Variants in SLC35F3 observed in about 807,000 individuals in gnomAD.
SLC35F3 encodes solute carrier family 35 member F3.
In SLC35F3, 25 loss-of-function variants were observed where a neutral mutation model predicts 49.9. The observed-to-expected ratio is 0.50, with a 90% CI of 0.37 to 0.70. SLC35F3 has a LOEUF of 0.70. SLC35F3 is among the 30% of genes least tolerant of loss of function. The probability of loss-of-function intolerance (pLI) is 0.00; values close to 1 mark genes in which losing one functional copy is unlikely to be tolerated. For missense variants in SLC35F3, 525 were observed against 639.8 expected (o/e 0.82, Z 1.94); for synonymous variants, 275 against 265.4 (o/e 1.04, Z -0.35).
intron 2 of SLC35F3, among the ~76,000 whole-genome samples, chr1:234,180,782 A>C (rs1251940821): frequency 6.6e-6 from 1 of 152,258 alleles, no homozygotes; most frequent in Non-Finnish European, 1.5e-5. Context: ...AGGAGGGAAG[A>C]TACAGGAGAT....
intron 2 of SLC35F3, among the ~76,000 whole-genome samples, chr1:234,101,546 T>C (rs6692411): frequency 1.7e-4 from 26 of 152,344 alleles, no homozygotes; most frequent in East Asian, 5.8e-4. Context: ...TGAGTGTATA[T>C]TGGATTGTCG....
chr1:233,921,926 A>G (rs913822919), intron 2 of SLC35F3, among the ~76,000 whole-genome samples: 4 of 151,858 alleles, frequency 2.6e-5, no homozygotes, highest in Admixed American at 2.6e-4. Flanking sequence ...GTTTGCTCAG[A>G]ATGATGGTTT....
rs555242906 is a variant in SLC35F3, at chr1:234,240,299, G to A, written c.608+8558G>A. ...AGCCTGGCCAACATGACGAAACCCC[G>A]TCTCTACTGAAAACACAAAAATTAG... On this transcript the variant is annotated intron_variant, in intron 3 of 7. Transcript: ENST00000366618. 1.7e-3 allele frequency among the ~76,000 whole-genome samples: 251 copies of A among 145,972 alleles called. 1 individual carries two copies. Among genetic ancestry groups the A allele is most frequent in the Non-Finnish European group, 3.0e-3 (196 of 66,278 alleles).
At chr1:234,130,563 C>T (rs367903559) in intron 2 of SLC35F3, among the ~76,000 whole-genome samples, 13 of 149,176 alleles carry the variant, frequency 8.7e-5, no homozygotes, top group African/African-American at 2.2e-4. Context: ...GGCGTGAACC[C>T]GGGAGGTGGA....
chr1:234,162,895 T>C (rs772216927), intron 2 of SLC35F3, among the ~76,000 whole-genome samples: 1 of 152,214 alleles, frequency 6.6e-6, no homozygotes, highest in African/African-American at 2.4e-5. Context: ...ATTGCCAAAT[T>C]CTTCCTAATT....
chr1:234,067,454 C>T (rs962987423), intron 2 of SLC35F3, among the ~76,000 whole-genome samples: 1 of 152,212 alleles, frequency 6.6e-6, no homozygotes, highest in Non-Finnish European at 1.5e-5. Flanking sequence ...AGCATGACCT[C>T]CGCATATCCT....
At chr1:234,277,472 G>A (rs1668230858) in intron 3 of SLC35F3, among the ~76,000 whole-genome samples, 1 of 152,192 alleles carries the variant, frequency 6.6e-6, no homozygotes, top group Non-Finnish European at 1.5e-5. Flanking sequence ...ATCTCAGCAC[G>A]ACTCAAAGGC....
chr1:234,258,389 C>T (rs1167396934), intron 3 of SLC35F3, among the ~76,000 whole-genome samples: 1 of 152,158 alleles, frequency 6.6e-6, no homozygotes, highest in Non-Finnish European at 1.5e-5. Flanking sequence ...TTAGGTTTTA[C>T]GATAATGATA....
intron 2 of SLC35F3, among the ~76,000 whole-genome samples, chr1:233,975,184 G>A (rs1195355231): frequency 6.6e-6 from 1 of 152,248 alleles, no homozygotes; most frequent in Non-Finnish European, 1.5e-5. Context: ...TTCTTATGTA[G>A]GTGGTCCATA....
At chr1:234,285,498 G>C (rs1302109016) in intron 3 of SLC35F3, 2 of 384,534 alleles carry the variant, frequency 5.2e-6, no homozygotes, top group African/African-American at 4.2e-5. Context: ...ATTTTGGGGT[G>C]CCATCTATGT....
intron 2 of SLC35F3, among the ~76,000 whole-genome samples, chr1:234,115,938 G>T (rs1665479428): frequency 6.6e-6 from 1 of 152,194 alleles, no homozygotes; most frequent in Admixed American, 6.5e-5. Flanking sequence ...AAGGGTCTGG[G>T]AACGTCAATA....
chr1:234,140,259 C>T (rs541363030), intron 2 of SLC35F3, among the ~76,000 whole-genome samples: 1 of 152,188 alleles, frequency 6.6e-6, no homozygotes, highest in South Asian at 2.1e-4. Flanking sequence ...CTCATTTCAT[C>T]TCATCACGCA....
chr1:234,032,670 C>G (rs1292756750), intron 2 of SLC35F3, among the ~76,000 whole-genome samples: 1 of 152,208 alleles, frequency 6.6e-6, no homozygotes, highest in Non-Finnish European at 1.5e-5. Flanking sequence ...ATCCAAGTTG[C>G]TGCAAATGCC....
At chr1:234,220,636 G>A (rs563795189) in intron 2 of SLC35F3, among the ~76,000 whole-genome samples, 44 of 152,280 alleles carry the variant, frequency 2.9e-4, no homozygotes, top group African/African-American at 8.9e-4. Flanking sequence ...GTATGCCCAC[G>A]TCCTAACCAC....
intron 2 of SLC35F3, among the ~76,000 whole-genome samples, chr1:234,024,608 A>C (rs375072442): frequency 6.6e-6 from 1 of 152,162 alleles, no homozygotes; most frequent in Admixed American, 6.5e-5. Context: ...AGGACACCAC[A>C]TGATGAAGGA....
chr1:234,316,462 C>A, intron 4 of SLC35F3, 140 bp from the exon 5 acceptor site: 2 of 1,181,890 alleles, frequency 1.7e-6, no homozygotes, highest in Non-Finnish European at 2.3e-6. Context: ...CTGTTGCTCT[C>A]CCAAGGAGGA....
intron 6 of SLC35F3, among the ~76,000 whole-genome samples, chr1:234,319,397 T>G (rs1376268333): frequency 1.3e-5 from 2 of 152,186 alleles, no homozygotes; most frequent in Non-Finnish European, 2.9e-5. Flanking sequence ...ACTTACCCAG[T>G]TTCCATCTAA....
At chr1:233,994,901 T>C (rs1572012583) in intron 2 of SLC35F3, among the ~76,000 whole-genome samples, 1 of 152,008 alleles carries the variant, frequency 6.6e-6, no homozygotes, top group East Asian at 1.9e-4. Flanking sequence ...CATCATAACC[T>C]GATGGGAAGA....
intron 2 of SLC35F3, among the ~76,000 whole-genome samples, chr1:234,163,335 G>C (rs1035440578): frequency 1.3e-5 from 2 of 152,190 alleles, no homozygotes; most frequent in Non-Finnish European, 2.9e-5. Context: ...CTGAGTGTTA[G>C]GGAGAAAGAG....
Sources: allele counts gnomAD v4.1 joint callset (sites outside exome capture counted in the v4.1 genomes callset), GRCh38; gene constraint gnomAD v4.1.1; transcripts MANE v1.5; gene names NCBI Gene and HGNC (gene_info 2026-07-23, HGNC 2026-07-21).